The following ALDH1L1 variants were observed in gnomAD, a reference collection of about 807,000 sequenced individuals.
ALDH1L1 encodes cytosolic 10-formyltetrahydrofolate dehydrogenase.
In ALDH1L1, 68 loss-of-function variants were observed where a neutral mutation model predicts 101.1. The observed-to-expected ratio is 0.67, with a 90% confidence interval of 0.55 to 0.82. The LOEUF is 0.82. Ranked by LOEUF, ALDH1L1 falls within the 40% of genes least tolerant of loss-of-function variation. ALDH1L1 has a pLI of 0.00. For missense variants in ALDH1L1, 1,087 were observed against 1,172.7 expected (o/e 0.93, Z 1.07); for synonymous variants, 486 against 470.8 (o/e 1.03, Z -0.42).
chr3:126,142,557 T>C (rs941447117), intron 9 of ALDH1L1, among the ~76,000 whole-genome samples: 12 of 152,318 alleles, frequency 7.9e-5, no homozygotes, highest in South Asian at 4.1e-4. Context: ...AATCAATCAG[T>C]GTAACATACC....
At chr3:126,194,711 T>C (rs2081572042) in intron 1 of ALDH1L1, among the ~76,000 whole-genome samples, 1 of 152,170 alleles carries the variant, frequency 6.6e-6, no homozygotes, top group South Asian at 2.1e-4. Context: ...CTTAGCTTTT[T>C]CTTATCTAAT....
intron 12 of ALDH1L1, among the ~76,000 whole-genome samples, chr3:126,134,514 G>A (rs1399433296): frequency 6.6e-6 from 1 of 152,186 alleles, no homozygotes; most frequent in Non-Finnish European, 1.5e-5. Flanking sequence ...AGAATTGAGG[G>A]GCTTGCGAAG....
At chr3:126,180,916 AC>A, upstream of ALDH1L1, 1 of 1,606,948 alleles carries the variant, frequency 6.2e-7, no homozygotes, top group Non-Finnish European at 8.5e-7. Flanking sequence ...CAAGCCGGTG[AC>A]TCACTCACTC....
chr3:126,171,166 C>T (rs1421921374), intron 1 of ALDH1L1, among the ~76,000 whole-genome samples: 4 of 152,102 alleles, frequency 2.6e-5, no homozygotes, highest in African/African-American at 7.2e-5. Flanking sequence ...GGCGTGGTGG[C>T]GCATGCCTGT....
intron 21 of ALDH1L1, 125 bp downstream of exon 21, chr3:126,107,016 C>T (rs1341481730): frequency 6.7e-5 from 57 of 853,618 alleles, no homozygotes; most frequent in South Asian, 3.6e-4. Flanking sequence ...GGGGTGTCCA[C>T]GGCTTGCGCC....
chr3:126,183,510 A>G (rs1285382963), upstream of ALDH1L1, among the ~76,000 whole-genome samples: 1 of 152,198 alleles, frequency 6.6e-6, no homozygotes, highest in Non-Finnish European at 1.5e-5. Context: ...AAGAACCCAA[A>G]GGGTGGAGCC....
chr3:126,169,732 C>G (rs941099783), intron 1 of ALDH1L1, among the ~76,000 whole-genome samples: 1 of 152,184 alleles, frequency 6.6e-6, no homozygotes, highest in African/African-American at 2.4e-5. Flanking sequence ...AAAGTTCCAT[C>G]AAAGCTGATT....
At chr3:126,157,056 C>T (rs1343936868) in intron 4 of ALDH1L1, among the ~76,000 whole-genome samples, 1 of 152,156 alleles carries the variant, frequency 6.6e-6, no homozygotes, top group Non-Finnish European at 1.5e-5. Context: ...GTGACCCAGT[C>T]CCTGCCTTTA....
intron 9 of ALDH1L1, among the ~76,000 whole-genome samples, chr3:126,143,754 G>A (rs1181812976): frequency 6.6e-6 from 1 of 152,082 alleles, no homozygotes; most frequent in Admixed American, 6.5e-5. Flanking sequence ...ATCAGCCCGG[G>A]CAACATAGCA....
In ALDH1L1 at chr3:126,177,021, CG is replaced by C. The variant is rs2081375185; in HGVS notation, c.-24+3454del. Among the ~76,000 whole-genome samples the C allele has an allele frequency of 3.9e-5, 6 of 152,084 alleles. No individual in the cohort carries two copies. The South Asian group carries it at 1.2e-3, about 32-fold the overall frequency. ...TATAACAATGAGATACTACTATATG[CG>C]TATTAGAAGAGTTAAATTAAGAGCA... On this transcript the variant is annotated intron_variant, in intron 1 of 22. Transcript: ENST00000393434.
chr3:126,123,187 A>G (rs1363531814), intron 16 of ALDH1L1, among the ~76,000 whole-genome samples: 1 of 152,206 alleles, frequency 6.6e-6, no homozygotes, highest in Non-Finnish European at 1.5e-5. Flanking sequence ...ACGATCATGA[A>G]AGATAAACAG....
chr3:126,103,933 C>A, intron 22 of ALDH1L1, 87 bp from the exon 23 acceptor site: 1 of 1,468,520 alleles, frequency 6.8e-7, no homozygotes, highest in Non-Finnish European at 9.3e-7. Context: ...TCAGCAACCA[C>A]GTGGGGGCAG....
In ALDH1L1 at chr3:126,192,374, G is replaced by A. The variant is rs140217889; in HGVS notation, c.-24+5361C>T. On this transcript the variant is annotated intron_variant, in intron 1 of 2. Coordinates refer to the ALDH1L1 transcript ENST00000509952. ...ATTTACATAAAGGTTTAGAATGATC[G>A]GTTTAGACTTTTATAGGTACCATAC... 1.9e-4 allele frequency among the ~76,000 whole-genome samples: 29 copies of A among 152,250 alleles called. No homozygotes were observed. The East Asian group carries it at 5.4e-3, about 28-fold the overall frequency.
chr3:126,132,448 G>C (rs1057328866), intron 12 of ALDH1L1, among the ~76,000 whole-genome samples: 19 of 152,330 alleles, frequency 1.2e-4, no homozygotes, highest in African/African-American at 4.6e-4. Context: ...TGGCCAAGCA[G>C]CTCCTGGCCA....
At chr3:126,182,160 T>A (rs2364369), upstream of ALDH1L1, among the ~76,000 whole-genome samples, 7,547 of 152,236 alleles carry the variant, frequency 0.05, 282 homozygotes, top group Admixed American at 0.12. Flanking sequence ...TATTTATTTT[T>A]TTTTGAGGTA....
At chr3:126,193,844 A>G (rs966347989) in intron 1 of ALDH1L1, among the ~76,000 whole-genome samples, 5 of 152,326 alleles carry the variant, frequency 3.3e-5, no homozygotes, top group East Asian at 1.9e-4. Flanking sequence ...TTTTCTTGAT[A>G]TTTAATTAAT....
intron 1 of ALDH1L1, among the ~76,000 whole-genome samples, chr3:126,177,269 T>G (rs993915589): frequency 6.6e-6 from 1 of 152,232 alleles, no homozygotes; most frequent in Non-Finnish European, 1.5e-5. Context: ...GATAGCAGCT[T>G]TATTCACTGC....
chr3:126,150,153 T>C lies in ALDH1L1; in HGVS notation c.984+253A>G, dbSNP rs115520066. 9.1e-3 allele frequency among the ~76,000 whole-genome samples: 1,391 copies of C among 152,298 alleles called. 20 individuals carry two copies. The highest frequency in any genetic ancestry group is 0.031 in the African/African-American group (1,297 of 41,558). On this transcript the variant is annotated intron_variant, in intron 8 of 22. Transcript: ENST00000393434. Reference sequence around the variant, plus strand: ...ATTCCAGGAGCTTCTGTTTCACTTATTAAGTGTTGACAATGAGCCCCTAGA... The same window carrying C: ...ATTCCAGGAGCTTCTGTTTCACTTACTAAGTGTTGACAATGAGCCCCTAGA...
At chr3:126,137,042 C>T (rs1174243514) in intron 10 of ALDH1L1, among the ~76,000 whole-genome samples, 159 bp from the exon 11 acceptor site, 2 of 152,218 alleles carry the variant, frequency 1.3e-5, no homozygotes, top group Admixed American at 6.5e-5. Flanking sequence ...AAAGGACAGG[C>T]TCTGAGGCCA....
Sources: allele counts gnomAD v4.1 joint callset (sites outside exome capture counted in the v4.1 genomes callset), GRCh38; gene constraint gnomAD v4.1.1; transcripts MANE v1.5; gene names NCBI Gene and HGNC (gene_info 2026-07-23, HGNC 2026-07-21).